The following NEURL1B variants were observed in gnomAD, a reference collection of about 807,000 sequenced individuals.
NEURL1B encodes the protein neuralized E3 ubiquitin protein ligase 1B, also known as E3 ubiquitin-protein ligase NEURL1B.
Under a neutral mutation model 37.4 loss-of-function variants are expected in NEURL1B, and 13 were observed. The ratio of observed to expected loss-of-function variants is 0.35; its 90% confidence interval spans 0.23 to 0.55. The LOEUF (loss-of-function observed/expected upper bound fraction) is 0.55. Ranked by LOEUF, NEURL1B falls within the 20% of genes least tolerant of loss-of-function variation. The pLI is 0.89. For missense variants in NEURL1B, 790 were observed against 879.2 expected (o/e 0.90, Z 1.28); for synonymous variants, 432 against 426.6 (o/e 1.01, Z -0.16).
chr5:172,664,354 G>T (rs1409610477), intron 1 of NEURL1B, among the ~76,000 whole-genome samples: 1 of 152,056 alleles, frequency 6.6e-6, no homozygotes, highest in Non-Finnish European at 1.5e-5. Context: ...GAATTAGCTG[G>T]TATCATGTGT....
At chr5:172,649,700 T>C (rs1441195372) in intron 1 of NEURL1B, among the ~76,000 whole-genome samples, 2 of 152,132 alleles carry the variant, frequency 1.3e-5, no homozygotes, top group Non-Finnish European at 2.9e-5. Context: ...CCCTTTCAGT[T>C]CTGCATGGCA....
intron 1 of NEURL1B, among the ~76,000 whole-genome samples, chr5:172,654,190 T>A (rs910831723): frequency 1.3e-5 from 2 of 152,236 alleles, no homozygotes; most frequent in Non-Finnish European, 2.9e-5. Flanking sequence ...AATAAAACCT[T>A]GTTCATTCCA....
intron 2 of NEURL1B, among the ~76,000 whole-genome samples, chr5:172,680,565 T>C (rs184585440): frequency 4.6e-5 from 7 of 152,388 alleles, no homozygotes; most frequent in African/African-American, 1.7e-4. Context: ...AAAGTGCTTG[T>C]TTTATTCTAC....
intron 2 of NEURL1B, among the ~76,000 whole-genome samples, chr5:172,677,771 G>A (rs1352237694): frequency 6.6e-6 from 1 of 152,038 alleles, no homozygotes. Context: ...CGCCTCCACG[G>A]AATCACCCCC....
rs150217681 is a variant in NEURL1B at position 172,642,305 on chromosome 5, A to G, written c.31+868A>G. 2.1e-4 allele frequency among the ~76,000 whole-genome samples: 32 copies of G among 152,344 alleles called. 1 individual carries two copies. The highest frequency in any genetic ancestry group is 7.5e-4 in the African/African-American group (31 of 41,590). On this transcript the variant is annotated intron_variant, in intron 1 of 4. Transcript: ENST00000369800. ...GAGGTGAAATGACTCACCCAAGGTC[A>G]CACAGCTAGTAGTGGGAGAATCTGG...
chr5:172,670,710 TTCAC>T (rs745863102), intron 2 of NEURL1B, among the ~76,000 whole-genome samples: 8 of 151,704 alleles, frequency 5.3e-5, no homozygotes, highest in African/African-American at 1.7e-4. Flanking sequence ...CATTCATTCA[TTCAC>T]TCATTCACTC....
rs150491358 is a variant in NEURL1B at position 172,663,828 on chromosome 5, G to GTTT, written c.32-5956_32-5954dup. On this transcript the variant is annotated intron_variant, in intron 1 of 4. Coordinates refer to ENST00000369800, the MANE Select transcript of NEURL1B (RefSeq NM_001142651.3). ...CTTCCTGGCAAAAGAGGTTTTATTT[G>GTTT]TTTATTATTATTATTATTATTATTA... is the stretch of plus-strand genomic sequence containing the variant. 5.1e-4 allele frequency among the ~76,000 whole-genome samples: 22 copies of GTTT among 43,144 alleles called. 1 individual carries two copies. The highest frequency in any genetic ancestry group is 2.5e-3 in the East Asian group (3 of 1,206). 28.3% of individuals were successfully genotyped at this position (43,144 alleles called of 152,430 possible). A position where few individuals can be genotyped will look rare whatever the true frequency, so the allele number is the denominator to read the frequency against.
At chr5:172,643,787 C>G (rs193228909) in intron 1 of NEURL1B, among the ~76,000 whole-genome samples, 4 of 152,146 alleles carry the variant, frequency 2.6e-5, no homozygotes, top group Non-Finnish European at 5.9e-5. Context: ...GTTCTTTCTG[C>G]GGGACTTGAA....
At chr5:172,650,735 A>G (rs1332257431) in intron 1 of NEURL1B, among the ~76,000 whole-genome samples, 1 of 152,236 alleles carries the variant, frequency 6.6e-6, no homozygotes, top group Non-Finnish European at 1.5e-5. Context: ...TGGTGAGCGC[A>G]CACTTGGACA....
chr5:172,671,609 A>G (rs927208984), intron 2 of NEURL1B, among the ~76,000 whole-genome samples: 3 of 152,236 alleles, frequency 2.0e-5, no homozygotes, highest in Non-Finnish European at 4.4e-5. Flanking sequence ...TTTCAGATTC[A>G]TCCACATTGT....
At chr5:172,643,748 C>T (rs188503790) in intron 1 of NEURL1B, among the ~76,000 whole-genome samples, 348 of 152,250 alleles carry the variant, frequency 2.3e-3, no homozygotes, top group Non-Finnish European at 4.0e-3. Context: ...CTTGTGCTTT[C>T]GTTCTCAGGA....
chr5:172,671,273 G>A (rs978374135), intron 2 of NEURL1B, among the ~76,000 whole-genome samples: 3 of 152,120 alleles, frequency 2.0e-5, no homozygotes, highest in Admixed American at 6.5e-5. Context: ...AGGTTGCACC[G>A]GAACCAGCCC....
rs1581441994 is a variant in NEURL1B at position 172,686,321 on chromosome 5, G to A, written c.1423+25G>A. ...GGTAAGGAAATGCAAACCCTGGCAG[G>A]GGCAGGGGCTGGCGGCTGGCCTGGC... On this transcript the variant is annotated intron_variant, in intron 4 of 4. Coordinates refer to ENST00000369800, the MANE Select transcript of NEURL1B (RefSeq NM_001142651.3). This position sits in a 1 kb window ranked among gnomAD's most constrained non-coding sequence, Gnocchi z 7.9. 1.0e-5 allele frequency: 16 copies of A among 1,550,612 alleles called. No homozygotes were observed. The highest frequency in any genetic ancestry group is 1.3e-5 in the Non-Finnish European group (15 of 1,146,262).
In NEURL1B at chr5:172,641,662, C is replaced by T. The variant is rs1757462033; in HGVS notation, c.31+225C>T. 1.3e-5 allele frequency among the ~76,000 whole-genome samples: 2 copies of T among 152,164 alleles called. No individual in the cohort carries two copies. Among genetic ancestry groups the T allele is most frequent in the Non-Finnish European group, 2.9e-5 (2 of 68,020 alleles). ...TCCTGGTTACCTTGGGGACCCCAGT[C>T]CTCATTCTCCCGGCTTTGGCCAGAT... On this transcript the variant is annotated intron_variant, in intron 1 of 4. Transcript: ENST00000369800. The surrounding 1 kb of genome is among the most constrained non-coding windows in gnomAD (Gnocchi z 6.4).
chr5:172,651,167 T>A (rs1757656084), intron 1 of NEURL1B, among the ~76,000 whole-genome samples: 1 of 152,232 alleles, frequency 6.6e-6, no homozygotes, highest in Non-Finnish European at 1.5e-5. Flanking sequence ...CCCCTTGTAT[T>A]TCCTTACAGC....
chr5:172,683,387 C>G lies in NEURL1B; in HGVS notation c.578-32C>G. 7.7e-7 allele frequency: 1 copy of G among 1,290,676 alleles called. No homozygotes were observed. The highest frequency in any genetic ancestry group is 3.8e-5 in the Admixed American group (1 of 26,656). 80.0% of individuals were successfully genotyped at this position (1,290,676 alleles called of 1,614,324 possible). A position where few individuals can be genotyped will look rare whatever the true frequency, so the allele number is the denominator to read the frequency against. ...GCGACCAGCCTGACGCGCGGCCTCTCCCCCTCCATGTCCCTCCCTTTGTCC... is the reference window on the plus strand; with the variant it reads ...GCGACCAGCCTGACGCGCGGCCTCTGCCCCTCCATGTCCCTCCCTTTGTCC... On this transcript the variant is annotated intron_variant, in intron 2 of 4. Coordinates refer to ENST00000369800, the MANE Select transcript of NEURL1B (RefSeq NM_001142651.3). The surrounding 1 kb of genome is among the most constrained non-coding windows in gnomAD (Gnocchi z 5.6).
chr5:172,675,329 G>A lies in NEURL1B; in HGVS notation c.577+4999G>A, dbSNP rs573617359. Among the ~76,000 whole-genome samples the A allele has an allele frequency of 1.3e-5, 2 of 152,168 alleles. No homozygotes were observed. The highest frequency in any genetic ancestry group is 4.8e-5 in the African/African-American group (2 of 41,502). On this transcript the variant is annotated intron_variant, in intron 2 of 4. Coordinates refer to ENST00000369800, the MANE Select transcript of NEURL1B (RefSeq NM_001142651.3). The surrounding 1 kb of genome is among the most constrained non-coding windows in gnomAD (Gnocchi z 4.7). The stretch of plus-strand genomic sequence containing the variant: ...CCTATCTGGTTCCTTTCTCCCTCGT[G>A]GCTCCTGCCCATTGATGGACACCTG...
rs957183470 is a variant in NEURL1B, at chr5:172,690,371, C to T, written c.*3446C>T. 1.7e-4 allele frequency: 26 copies of T among 152,226 alleles called. No homozygotes were observed. The highest frequency in any genetic ancestry group is 5.8e-4 in the African/African-American group (24 of 41,456). The allele number at this position is 152,226 out of a possible 1,614,324, so 9.4% of individuals were successfully genotyped here. A position where few individuals can be genotyped will look rare whatever the true frequency, so the allele number is the denominator to read the frequency against. On this transcript the variant is annotated 3_prime_UTR_variant, in exon 5 of 5. Coordinates refer to ENST00000369800, the MANE Select transcript of NEURL1B (RefSeq NM_001142651.3). ...TTCAGGACACAGGGTGAACTTTTCT[C>T]TGACCCCCGGTGCTGGTCCTGTGCC...
In NEURL1B at chr5:172,675,119, C is replaced by T. The variant is rs1280606454; in HGVS notation, c.577+4789C>T. ...CTCGAACTCCTGACCTCAGGTGATC[C>T]GCCCGCCTCGGCCTCCAAAAGTGCT... On this transcript the variant is annotated intron_variant, in intron 2 of 4. Transcript: ENST00000369800. The surrounding 1 kb of genome is among the most constrained non-coding windows in gnomAD (Gnocchi z 4.7). Among the ~76,000 whole-genome samples the T allele has an allele frequency of 1.3e-5, 2 of 152,150 alleles. No individual in the cohort carries two copies. Among genetic ancestry groups the T allele is most frequent in the Non-Finnish European group, 2.9e-5 (2 of 68,028 alleles).
Sources: allele counts gnomAD v4.1 joint callset (sites outside exome capture counted in the v4.1 genomes callset), GRCh38; gene constraint gnomAD v4.1.1; non-coding constraint Gnocchi (gnomAD v3.1); transcripts MANE v1.5; gene names NCBI Gene and HGNC (gene_info 2026-07-23, HGNC 2026-07-21).